FRK: variants seen among roughly 807,000 people sequenced by gnomAD.
FRK encodes fyn related Src family tyrosine kinase.
Under a neutral mutation model 56.4 loss-of-function variants are expected in FRK, and 51 were observed. The observed-to-expected ratio is 0.90, with a 90% CI of 0.72 to 1.14. FRK has a LOEUF of 1.14. FRK is among the 50% of genes most tolerant of loss of function. The pLI is 0.00. For missense variants in FRK, 570 were observed against 601.4 expected, an observed-to-expected ratio of 0.95 and a Z score of 0.55; for synonymous variants, 245 against 217.9, an observed-to-expected ratio of 1.12 and a Z score of -1.10.
chr6:116,020,284 T>A (rs1039236977), intron 1 of FRK, among the ~76,000 whole-genome samples: 1 of 152,102 alleles, frequency 6.6e-6, no homozygotes, highest in Non-Finnish European at 1.5e-5. Context: ...CCTAGATCAA[T>A]ATTCCTTTTT....
chr6:116,053,290 T>C (rs1422571722), intron 1 of FRK, among the ~76,000 whole-genome samples: 1 of 152,176 alleles, frequency 6.6e-6, no homozygotes, highest in Non-Finnish European at 1.5e-5. Context: ...CACTATTGTA[T>C]TGGTAGTTAG....
At chr6:116,061,970 GAAAAGAAAGA>G (rs1196613972), upstream of FRK, among the ~76,000 whole-genome samples, 2 of 139,052 alleles carry the variant, frequency 1.4e-5, no homozygotes, top group East Asian at 2.1e-4. Flanking sequence ...AAAGAAGAAA[GAAAAGAAAGA>G]AAAAGAAAGA....
chr6:116,024,300 A>C (rs1286455288), intron 1 of FRK, among the ~76,000 whole-genome samples: 1 of 151,706 alleles, frequency 6.6e-6, no homozygotes, highest in African/African-American at 2.4e-5. Flanking sequence ...GTTTTAGGGT[A>C]CATGTGCACA....
chr6:115,966,245 G>C (rs1224170920), intron 4 of FRK, among the ~76,000 whole-genome samples: 1 of 152,044 alleles, frequency 6.6e-6, no homozygotes, highest in African/African-American at 2.4e-5. Context: ...TCCAATCTTA[G>C]AATCAGATGA....
intron 2 of FRK, among the ~76,000 whole-genome samples, chr6:115,989,394 T>C (rs1774507853): frequency 6.6e-6 from 1 of 151,820 alleles, no homozygotes. Flanking sequence ...ATCACCCAAA[T>C]AGTAAGCTTT....
At chr6:116,040,141 G>A (rs1776659546) in intron 1 of FRK, among the ~76,000 whole-genome samples, 1 of 151,952 alleles carries the variant, frequency 6.6e-6, no homozygotes, top group African/African-American at 2.4e-5. Context: ...TGCAAAATCT[G>A]TTTTAATGTC....
intron 2 of FRK, among the ~76,000 whole-genome samples, chr6:115,969,853 CAATT>C (rs921202068): frequency 2.0e-5 from 3 of 152,142 alleles, no homozygotes; most frequent in African/African-American, 7.2e-5. Context: ...CTACAAGAGT[CAATT>C]AATTACCTTT....
intron 4 of FRK, among the ~76,000 whole-genome samples, chr6:115,958,335 C>T (rs529615906): frequency 5.9e-5 from 9 of 151,384 alleles, no homozygotes; most frequent in Non-Finnish European, 8.8e-5. Context: ...GATAACCATA[C>T]AGAAAATTAG....
rs921809196 is a variant in FRK, at chr6:115,932,879, A to G, written c.*9535T>C. The G allele has an allele frequency of 6.6e-6, 1 of 152,136 alleles. No homozygotes were observed. The highest frequency in any genetic ancestry group is 2.4e-5 in the African/African-American group (1 of 41,420). The allele number at this position is 152,136 out of a possible 1,614,324, so 9.4% of individuals were successfully genotyped here. A position where few individuals can be genotyped will look rare whatever the true frequency, so the allele number is the denominator to read the frequency against. ...AGATCCACATGGTCATCATACAGAT[A>G]TTGTGGGTAGAAGCTGAGGGTGAGC... On this transcript the variant is annotated 3_prime_UTR_variant, in exon 8 of 8. Transcript: ENST00000606080.
intron 2 of FRK, among the ~76,000 whole-genome samples, chr6:115,986,028 C>G (rs753420444): frequency 4.0e-5 from 6 of 150,662 alleles, no homozygotes; most frequent in Non-Finnish European, 7.4e-5. Context: ...ATTTTTATAC[C>G]ATTAATATGT....
At chr6:115,960,930 C>T (rs784016) in intron 4 of FRK, among the ~76,000 whole-genome samples, 50 of 78 alleles carry the variant, frequency 0.64, 16 homozygotes, top group East Asian at 0.93. Flanking sequence ...GTAGATAAAA[C>T]CACAAAGATG....
At chr6:116,082,418 C>A in the FRK span, among the ~76,000 whole-genome samples, 19 of 152,184 alleles carry the variant, frequency 1.2e-4, no homozygotes, top group East Asian at 3.3e-3. Flanking sequence ...GTAGGAGGAC[C>A]AGTTAGGGGC....
intron 2 of FRK, among the ~76,000 whole-genome samples, chr6:115,983,936 A>T (rs1004172117): frequency 6.6e-6 from 1 of 152,164 alleles, no homozygotes. Flanking sequence ...ACTGCATCTT[A>T]TCCTCAAGGT....
At chr6:115,959,124 C>G (rs1773219961) in intron 4 of FRK, among the ~76,000 whole-genome samples, 2 of 152,150 alleles carry the variant, frequency 1.3e-5, no homozygotes, top group South Asian at 4.1e-4. Flanking sequence ...TTTTGCCTGT[C>G]AAAGCTACTG....
chr6:116,006,375 C>T (rs1318635519), intron 1 of FRK, among the ~76,000 whole-genome samples: 3 of 152,146 alleles, frequency 2.0e-5, no homozygotes, highest in African/African-American at 7.2e-5. Flanking sequence ...AAAATGCTAA[C>T]ATTATTAGGT....
intron 2 of FRK, among the ~76,000 whole-genome samples, chr6:115,972,772 G>A (rs1773857052): frequency 6.6e-6 from 1 of 152,144 alleles, no homozygotes; most frequent in Non-Finnish European, 1.5e-5. Context: ...TGCTAAGCAT[G>A]ATTTTACATT....
chr6:116,050,211 G>C (rs547657760), intron 1 of FRK, among the ~76,000 whole-genome samples: 1 of 152,130 alleles, frequency 6.6e-6, no homozygotes, highest in Non-Finnish European at 1.5e-5. Context: ...AGGCTACACT[G>C]TGACTATGAT....
chr6:115,952,121 C>A (rs551537013), intron 5 of FRK, among the ~76,000 whole-genome samples: 1 of 152,090 alleles, frequency 6.6e-6, no homozygotes, highest in Non-Finnish European at 1.5e-5. Context: ...AATTTTCTCC[C>A]ATTTTGTAGG....
chr6:116,025,585 T>C (rs1367727470), intron 1 of FRK, among the ~76,000 whole-genome samples: 2 of 152,172 alleles, frequency 1.3e-5, no homozygotes, highest in African/African-American at 4.8e-5. Flanking sequence ...CTTTTCCAGA[T>C]ATGATAAAGC....
Sources: allele counts gnomAD v4.1 joint callset (sites outside exome capture counted in the v4.1 genomes callset), GRCh38; gene constraint gnomAD v4.1.1; transcripts MANE v1.5; gene names NCBI Gene and HGNC (gene_info 2026-07-23, HGNC 2026-07-21).